ALMS1: variants seen among roughly 807,000 people sequenced by gnomAD.
The protein encoded by ALMS1 is centrosome-associated protein ALMS1.
ALMS1 carries 271 observed loss-of-function variants against 352.2 expected under a neutral mutation model. The ratio of observed to expected loss-of-function variants is 0.77; its 90% CI spans 0.70 to 0.85. The LOEUF (loss-of-function observed/expected upper bound fraction) is 0.85. ALMS1 is among the 40% of genes least tolerant of loss of function. The probability of loss-of-function intolerance (pLI) is 0.00; values close to 1 mark genes in which losing one functional copy is unlikely to be tolerated. For synonymous variants in ALMS1, 1,865 were observed against 1,761.2 expected (o/e 1.06, Z -1.48); for missense variants, 5,445 against 4,870.7 (o/e 1.12, Z -3.51).
chr2:73,573,547 C>T (rs992347505), intron 16 of ALMS1, 123 bp downstream of exon 16: 4 of 991,914 alleles, frequency 4.0e-6, no homozygotes, highest in Non-Finnish European at 4.7e-6. Context: ...CATTTCTTAC[C>T]AACTGGAAAA....
At chr2:73,578,751 T>TC (rs1244482611) in intron 16 of ALMS1, among the ~76,000 whole-genome samples, 1 of 152,182 alleles carries the variant, frequency 6.6e-6, no homozygotes, top group Non-Finnish European at 1.5e-5. Flanking sequence ...CTTCATTTTG[T>TC]CCCCACTAAA....
chr2:73,575,301 T>C (rs145756893), intron 16 of ALMS1, among the ~76,000 whole-genome samples: 5 of 152,318 alleles, frequency 3.3e-5, no homozygotes, highest in African/African-American at 1.2e-4. Context: ...GGTAATTCTG[T>C]GGATTAGCTT....
chr2:73,564,465 CA>C (rs367797062), intron 15 of ALMS1, among the ~76,000 whole-genome samples: 1,677 of 63,348 alleles, frequency 0.026, 20 homozygotes, highest in African/African-American at 0.071. Context: ...GACTCCGTCT[CA>C]AAAAAAAAAA....
chr2:73,499,984 TC>T (rs1319486244), intron 10 of ALMS1, among the ~76,000 whole-genome samples: 2 of 152,182 alleles, frequency 1.3e-5, no homozygotes, highest in African/African-American at 4.8e-5. Context: ...GTCCCATGCT[TC>T]TTACACAGCC....
intron 10 of ALMS1, among the ~76,000 whole-genome samples, chr2:73,502,161 A>G (rs992891548): frequency 2.6e-5 from 4 of 152,066 alleles, no homozygotes; most frequent in Non-Finnish European, 4.4e-5. Context: ...TTTCATGCCT[A>G]CTGTGGGATG....
rs1356252863 is a variant in ALMS1, at chr2:73,450,784, T to C, written c.4257T>C (p.Thr1419=). The part of the protein sequence containing the change: ...SAVPGPGDRK[T]GIPTLPSTFY... Reference sequence around the variant, plus strand: ...TTCCTGGACCAGGTGACCGGAAGACTGGGATACCAACTTTACCCTCTACTT... The same window carrying C: ...TTCCTGGACCAGGTGACCGGAAGACCGGGATACCAACTTTACCCTCTACTT... Residue 1419 remains threonine (T), a synonymous_variant, in exon 8 of 23, where the codon ACT becomes ACC. Transcript: ENST00000613296. 1.2e-6 allele frequency: 2 copies of C among 1,613,022 alleles called. No homozygotes were observed. The highest frequency in any genetic ancestry group is 2.2e-5 in the South Asian group (2 of 91,034).
At chr2:73,516,559 A>C (rs1385613506) in intron 10 of ALMS1, among the ~76,000 whole-genome samples, 1 of 152,240 alleles carries the variant, frequency 6.6e-6, no homozygotes, top group Non-Finnish European at 1.5e-5. Flanking sequence ...TTTTGCTTTA[A>C]GCCTGACAGA....
At chr2:73,475,168 G>A (rs1455025281) in intron 9 of ALMS1, among the ~76,000 whole-genome samples, 1 of 152,052 alleles carries the variant, frequency 6.6e-6, no homozygotes, top group Non-Finnish European at 1.5e-5. Flanking sequence ...TTTCCACTCT[G>A]GCCATTGTGA....
intron 1 of ALMS1, among the ~76,000 whole-genome samples, chr2:73,398,477 A>G (rs1025730860): frequency 2.0e-4 from 30 of 152,186 alleles, no homozygotes; most frequent in African/African-American, 6.0e-4. Context: ...ATTGATGTGT[A>G]TTAAAAATTG....
chr2:73,531,014 G>A (rs917739480), intron 11 of ALMS1, among the ~76,000 whole-genome samples: 12 of 152,244 alleles, frequency 7.9e-5, no homozygotes, highest in African/African-American at 2.2e-4. Context: ...TGTGATGGAA[G>A]GGACTCCCGT....
At chr2:73,561,724 A>T (rs775146379) in intron 15 of ALMS1, among the ~76,000 whole-genome samples, 9 of 148,266 alleles carry the variant, frequency 6.1e-5, no homozygotes, top group Non-Finnish European at 1.3e-4. Flanking sequence ...ATTTAATGTC[A>T]TACTATTTGT....
intron 2 of ALMS1, among the ~76,000 whole-genome samples, chr2:73,418,552 G>A (rs1203529690): frequency 2.6e-5 from 4 of 152,204 alleles, no homozygotes; most frequent in Non-Finnish European, 5.9e-5. Context: ...TTCCCAGGCA[G>A]CTGCAGACTT....
At chr2:73,588,329 T>G (rs547670831) in intron 16 of ALMS1, among the ~76,000 whole-genome samples, 3 of 152,238 alleles carry the variant, frequency 2.0e-5, no homozygotes, top group Admixed American at 2.0e-4. Context: ...TGTCTGTTTC[T>G]CTGTTCTGTC....
chr2:73,426,666 C>A, intron 6 of ALMS1, 113 bp downstream of exon 6: 3 of 1,073,300 alleles, frequency 2.8e-6, no homozygotes, highest in Non-Finnish European at 4.2e-6. Context: ...GGTACATGAC[C>A]AATGTCATTT....
At position 73,452,937 on chromosome 2, in the gene ALMS1, C is replaced by T; in HGVS notation, c.6410C>T (p.Ala2137Val). ...PAGQKTVLPT[A>V]LPSSFSHREK... is the part of the protein sequence containing the mutation. The stretch of plus-strand genomic sequence containing the variant: ...GGCCAGAAAACAGTATTACCAACAG[C>T]TCTTCCTAGTTCCTTTTCACATCGA... The change falls in exon 8 of 23, where the codon GCT (alanine) becomes GTT (valine). Residue 2137 changes from alanine to valine, a missense_variant. By Grantham distance (64) the Ala-to-Val change is moderately conservative (BLOSUM62 0). Transcript: ENST00000613296. 6.2e-7 allele frequency: 1 copy of T among 1,613,738 alleles called. No individual in the cohort carries two copies. The highest frequency in any genetic ancestry group is 1.1e-5 in the South Asian group (1 of 91,066).
At position 73,432,198 on chromosome 2, in the gene ALMS1, C is replaced by G. The variant is rs377283762; in HGVS notation, c.1339C>G (p.Pro447Ala). The G allele has an allele frequency of 4.8e-5, 78 of 1,610,650 alleles. No homozygotes were observed. Among genetic ancestry groups the G allele is most frequent in the Non-Finnish European group, 6.2e-5 (73 of 1,177,222 alleles). Reference protein sequence around the residue: ...SERVAELQRKPTRESEYHSSD... With the variant: ...SERVAELQRKATRESEYHSSD... The stretch of plus-strand genomic sequence containing the variant: ...ATTGCCTTCATTTGTTCCACATAAG[C>G]CAACAAGAGAGTCGGAATATCACTC... The change falls in exon 7 of 23, where the codon CCA (proline) becomes GCA (alanine). Residue 447 changes from proline to alanine, a missense_variant and splice_region_variant. By Grantham distance (27) the Pro-to-Ala change is conservative. Transcript: ENST00000613296.
intron 9 of ALMS1, among the ~76,000 whole-genome samples, chr2:73,466,979 C>T (rs931321104): frequency 2.0e-5 from 3 of 152,090 alleles, no homozygotes; most frequent in African/African-American, 7.2e-5. Context: ...ATAACCCTGT[C>T]CCCTACATCA....
chr2:73,560,961 G>C (rs1038374366), intron 15 of ALMS1, among the ~76,000 whole-genome samples: 2 of 152,218 alleles, frequency 1.3e-5, no homozygotes, highest in Non-Finnish European at 2.9e-5. Context: ...CCAGAACAAA[G>C]ACAGCACTTG....
Position 73,491,125 on chromosome 2 carries a change from T to A in ALMS1, c.9166T>A (p.Ser3056Thr). The change falls in exon 10 of 23, where the codon TCT becomes ACT. Residue 3056 changes from serine (S) to threonine (T), a missense_variant. Transcript: ENST00000613296. ...CVHITLCPKT[S>T]SKLDSGTLDE... ...TCATATAACTCTTTGTCCCAAGACTTCTTCCAAGTTGGATAGTGGAACTTT... is the reference window on the plus strand; with the variant it reads ...TCATATAACTCTTTGTCCCAAGACTACTTCCAAGTTGGATAGTGGAACTTT... 4 of 1,614,202 alleles carry A rather than the reference T, an allele frequency of 2.5e-6. No homozygotes were observed. Among genetic ancestry groups the A allele is most frequent in the Non-Finnish European group, 3.4e-6 (4 of 1,180,022 alleles).
Sources: allele counts gnomAD v4.1 joint callset (sites outside exome capture counted in the v4.1 genomes callset), GRCh38; gene constraint gnomAD v4.1.1; transcripts MANE v1.5; gene names NCBI Gene and HGNC (gene_info 2026-07-23, HGNC 2026-07-21).